SPOP: variants seen among roughly 807,000 people sequenced by gnomAD.
SPOP encodes speckle-type POZ protein.
A neutral mutation model predicts 45.6 loss-of-function variants in SPOP; 11 were observed. The observed-to-expected ratio is 0.24, with a 90% CI of 0.15 to 0.40. SPOP has a LOEUF of 0.40. SPOP is among the 10% of genes least tolerant of loss of function. The pLI, the probability that SPOP is intolerant of heterozygous loss-of-function variation, is 1.00. For synonymous variants in SPOP, 166 were observed against 166.3 expected (o/e 1.00, Z 0.01); for missense variants, 152 against 465.6 (o/e 0.33, Z 6.20).
At chr17:49,655,714 G>A (rs1300071096) in intron 1 of SPOP, among the ~76,000 whole-genome samples, 1 of 152,136 alleles carries the variant, frequency 6.6e-6, no homozygotes, top group African/African-American at 2.4e-5. Flanking sequence ...GATGGATAAT[G>A]TATATGAGGA....
chr17:49,660,686 C>T (rs2072975362), intron 1 of SPOP, among the ~76,000 whole-genome samples: 1 of 152,176 alleles, frequency 6.6e-6, no homozygotes. Flanking sequence ...TTATTCTGGC[C>T]AGGCGCAGTG....
Position 49,607,935 on chromosome 17 carries a change from A to G in SPOP, c.659-6T>C. On this transcript the variant is annotated splice_region_variant and splice_polypyrimidine_tract_variant and intron_variant, in intron 6 of 9. Coordinates refer to ENST00000504102, the MANE Select transcript of SPOP (RefSeq NM_001007228.2). ...ACTAAAAACCGGAGAACGAGCTACAAAGTCAAAGAGAAACAAGCAGATAAG... is the reference window on the plus strand; with the variant it reads ...ACTAAAAACCGGAGAACGAGCTACAGAGTCAAAGAGAAACAAGCAGATAAG... 4 of 1,612,210 alleles carry G rather than the reference A, an allele frequency of 2.5e-6. No individual in the cohort carries two copies. Among genetic ancestry groups the G allele is most frequent in the Non-Finnish European group, 3.4e-6 (4 of 1,178,910 alleles).
At chr17:49,651,931 A>C (rs2072847763) in intron 1 of SPOP, among the ~76,000 whole-genome samples, 1 of 152,024 alleles carries the variant, frequency 6.6e-6, no homozygotes, top group Non-Finnish European at 1.5e-5. Flanking sequence ...AGGCATGAAA[A>C]TTGCCTGAAC....
intron 1 of SPOP, among the ~76,000 whole-genome samples, chr17:49,633,934 A>C (rs1278890578): frequency 6.6e-6 from 1 of 151,918 alleles, no homozygotes; most frequent in East Asian, 1.9e-4. Context: ...GTTTCACAAG[A>C]TCTGGGTTAA....
At chr17:49,655,334 A>AC (rs1256955407) in intron 1 of SPOP, among the ~76,000 whole-genome samples, 2 of 151,978 alleles carry the variant, frequency 1.3e-5, no homozygotes, top group African/African-American at 4.8e-5. Context: ...ACACGGTGAA[A>AC]CCCCGTCTCG....
chr17:49,652,297 T>A (rs2072853550), intron 1 of SPOP, among the ~76,000 whole-genome samples: 1 of 152,192 alleles, frequency 6.6e-6, no homozygotes, highest in African/African-American at 2.4e-5. Flanking sequence ...GAGAGACAGA[T>A]TTTAATCTTA....
chr17:49,618,527 GC>G, intron 5 of SPOP: 1 of 455,992 alleles, frequency 2.2e-6, no homozygotes, highest in South Asian at 1.6e-5. Flanking sequence ...AATTACTCCA[GC>G]AAGACAAACC....
chr17:49,657,614 G>A (rs2143516532), intron 1 of SPOP, among the ~76,000 whole-genome samples: 1 of 151,172 alleles, frequency 6.6e-6, no homozygotes, highest in East Asian at 1.9e-4. Context: ...GGCCAGGCTG[G>A]TCTTGAACTC....
intron 1 of SPOP, among the ~76,000 whole-genome samples, chr17:49,651,149 T>C (rs1567796384): frequency 6.6e-6 from 1 of 152,182 alleles, no homozygotes; most frequent in Non-Finnish European, 1.5e-5. Flanking sequence ...ATAATCAGAC[T>C]GTAATTCAGG....
intron 1 of SPOP, among the ~76,000 whole-genome samples, chr17:49,628,894 A>G (rs959620867): frequency 2.6e-5 from 4 of 152,132 alleles, no homozygotes; most frequent in African/African-American, 9.7e-5. Context: ...CAACTATTCT[A>G]TATATCCCTT....
intron 5 of SPOP, among the ~76,000 whole-genome samples, chr17:49,612,072 A>G (rs1213015824): frequency 6.6e-6 from 1 of 152,044 alleles, no homozygotes; most frequent in Non-Finnish European, 1.5e-5. Flanking sequence ...TTACAGAGAC[A>G]AGGTCTCACT....
chr17:49,637,821 T>C (rs1280479539), intron 1 of SPOP, among the ~76,000 whole-genome samples: 1 of 152,252 alleles, frequency 6.6e-6, no homozygotes, highest in Non-Finnish European at 1.5e-5. Flanking sequence ...AAGTGCTCTA[T>C]GGGTAAATTA....
intron 1 of SPOP, among the ~76,000 whole-genome samples, chr17:49,635,215 G>T (rs907669192): frequency 6.6e-6 from 1 of 152,084 alleles, no homozygotes; most frequent in Non-Finnish European, 1.5e-5. Flanking sequence ...AAACGAAATG[G>T]AACAAAGGAT....
intron 9 of SPOP, 42 bp downstream of exon 9, chr17:49,601,823 T>C: frequency 6.2e-7 from 1 of 1,608,776 alleles, no homozygotes; most frequent in South Asian, 1.1e-5. Context: ...TCTTCAGCTA[T>C]CCAACTATTT....
Position 49,611,428 on chromosome 17 carries a change from A to T in SPOP, c.510T>A (p.Ile170=). ...CCATGTTCATGGTATTCTGGCCAGA[A>T]ATGTTGACAGAATCTTGCACAACAC... ...EVSVVQDSVN[I]SGQNTMNMVK... The change falls in exon 6 of 10, where the codon ATT becomes ATA. Residue 170 remains isoleucine (I), a synonymous_variant. Transcript: ENST00000504102. 1 of 1,614,162 alleles carries T rather than the reference A, an allele frequency of 6.2e-7. No individual in the cohort carries two copies. Among genetic ancestry groups the T allele is most frequent in the South Asian group, 1.1e-5 (1 of 91,080 alleles).
At chr17:49,622,622 A>T in intron 2 of SPOP, 111 bp downstream of exon 2, 1 of 898,608 alleles carries the variant, frequency 1.1e-6, no homozygotes, top group Non-Finnish European at 1.8e-6. Context: ...GCTCTTTGGC[A>T]GTTATGTTCC....
chr17:49,615,735 C>A (rs139940843), intron 5 of SPOP, among the ~76,000 whole-genome samples: 198 of 152,164 alleles, frequency 1.3e-3, no homozygotes, highest in Middle Eastern at 6.8e-3. Flanking sequence ...AAACTTGGGA[C>A]CCGAGTTTGT....
At chr17:49,640,314 T>TA (rs1388310911) in intron 1 of SPOP, among the ~76,000 whole-genome samples, 2 of 152,040 alleles carry the variant, frequency 1.3e-5, no homozygotes, top group African/African-American at 2.4e-5. Flanking sequence ...GATGTCTATC[T>TA]AGCCTCCAAT....
At chr17:49,610,947 C>CT (rs2071959953) in intron 6 of SPOP, among the ~76,000 whole-genome samples, 1 of 152,172 alleles carries the variant, frequency 6.6e-6, no homozygotes, top group Non-Finnish European at 1.5e-5. Context: ...CCATTACATC[C>CT]TAAACCCTTA....
Sources: allele counts gnomAD v4.1 joint callset (sites outside exome capture counted in the v4.1 genomes callset), GRCh38; gene constraint gnomAD v4.1.1; transcripts MANE v1.5; gene names NCBI Gene and HGNC (gene_info 2026-07-23, HGNC 2026-07-21).